PITPNM3: variants seen among roughly 807,000 people sequenced by gnomAD.
The protein encoded by PITPNM3 is membrane-associated phosphatidylinositol transfer protein 3.
Under a neutral mutation model 102.0 loss-of-function variants are expected in PITPNM3, and 26 were observed. The ratio of observed to expected loss-of-function variants is 0.25; its 90% CI spans 0.19 to 0.35. The LOEUF (loss-of-function observed/expected upper bound fraction) is 0.35. Among genes scored for constraint, PITPNM3 ranks in the 10% least tolerant of loss-of-function variants. The probability of loss-of-function intolerance (pLI) is 1.00; values close to 1 mark genes in which losing one functional copy is unlikely to be tolerated. For missense variants in PITPNM3, 1,083 were observed against 1,346.1 expected (o/e 0.80, Z 3.06); for synonymous variants, 578 against 558.6 (o/e 1.03, Z -0.49).
chr17:6,544,531 C>CAAAAA (rs925074828), intron 1 of PITPNM3, among the ~76,000 whole-genome samples: 1 of 150,740 alleles, frequency 6.6e-6, no homozygotes, highest in Non-Finnish European at 1.5e-5. Context: ...GCCTCTGTCT[C>CAAAAA]AAAAAAAATA....
At chr17:6,497,233 C>T (rs991057588) in intron 4 of PITPNM3, among the ~76,000 whole-genome samples, 1 of 152,118 alleles carries the variant, frequency 6.6e-6, no homozygotes, top group Admixed American at 6.5e-5. Context: ...GGGGGTCTTC[C>T]TGGGGAGGCC....
Position 6,547,721 on chromosome 17 carries a change from C to CTCTTT in PITPNM3, c.22+8659_22+8663dup, listed in dbSNP as rs531077310. Among the ~76,000 whole-genome samples the CTCTTT allele has an allele frequency of 1.8e-3, 270 of 151,612 alleles. 1 individual carries two copies. The highest frequency in any genetic ancestry group is 2.9e-3 in the African/African-American group (118 of 41,112). On this transcript the variant is annotated intron_variant, in intron 1 of 19. Transcript: ENST00000262483. ...CAGACTCCTCAAAGGACGCTGGGGTCTCTTTTCTTTTCTTTTCTTTTCTTT... is the reference window on the plus strand; with the variant it reads ...CAGACTCCTCAAAGGACGCTGGGGTCTCTTTTCTTTTCTTTTCTTTTCTTTTCTTT...
At chr17:6,542,765 C>T (rs982520618) in intron 1 of PITPNM3, among the ~76,000 whole-genome samples, 4 of 152,228 alleles carry the variant, frequency 2.6e-5, no homozygotes, top group Admixed American at 6.5e-5. Flanking sequence ...ACCTGAGGGG[C>T]TTCCAGGCAG....
chr17:6,534,160 G>GC (rs1909288770), intron 2 of PITPNM3, among the ~76,000 whole-genome samples: 1 of 152,286 alleles, frequency 6.6e-6, no homozygotes, highest in African/African-American at 2.4e-5. Context: ...CTGGGCTGTG[G>GC]CCCCCCAGAT....
chr17:6,527,153 G>C lies in PITPNM3; in HGVS notation c.119-1690C>G, dbSNP rs550602676. Reference sequence around the variant, plus strand: ...TAGCTCTGTCTAGCAAGCTGCTGTGGGGACAAATAATATAGCAAATTTGAA... The same window carrying C: ...TAGCTCTGTCTAGCAAGCTGCTGTGCGGACAAATAATATAGCAAATTTGAA... On this transcript the variant is annotated intron_variant, in intron 2 of 19. Coordinates refer to ENST00000262483, the MANE Select transcript of PITPNM3 (RefSeq NM_031220.4). Among the ~76,000 whole-genome samples the C allele has an allele frequency of 5.9e-5, 9 of 152,320 alleles. No homozygotes were observed. The East Asian group carries it at 1.7e-3, about 29-fold the overall frequency.
At chr17:6,548,865 C>A (rs368473116) in intron 1 of PITPNM3, among the ~76,000 whole-genome samples, 2 of 152,144 alleles carry the variant, frequency 1.3e-5, no homozygotes, top group Non-Finnish European at 2.9e-5. Flanking sequence ...CCAGACAGAG[C>A]CCAACGCGTT....
chr17:6,508,014 G>A (rs1281857937), intron 3 of PITPNM3, among the ~76,000 whole-genome samples: 31 of 151,654 alleles, frequency 2.0e-4, no homozygotes, highest in Non-Finnish European at 2.9e-5. Context: ...GGGAATGCTG[G>A]GGATGCAGCT....
intron 2 of PITPNM3, among the ~76,000 whole-genome samples, chr17:6,528,734 C>A (rs1393755099): frequency 6.6e-6 from 1 of 152,168 alleles, no homozygotes; most frequent in Non-Finnish European, 1.5e-5. Flanking sequence ...AACATGCTTT[C>A]TCTCCCACAC....
At chr17:6,483,445 C>T (rs971289488) in intron 6 of PITPNM3, 72 bp downstream of exon 6, 39 of 1,432,712 alleles carry the variant, frequency 2.7e-5, no homozygotes, top group Non-Finnish European at 3.5e-5. Flanking sequence ...GGGGTCCATG[C>T]TGCAGGGGGA....
intron 4 of PITPNM3, among the ~76,000 whole-genome samples, chr17:6,487,365 T>A (rs2150586749): frequency 6.6e-6 from 1 of 152,208 alleles, no homozygotes; most frequent in South Asian, 2.1e-4. Context: ...ACAGGAAGTG[T>A]CACATGGGTT....
In PITPNM3 at chr17:6,484,818, G is replaced by A. The variant is rs1035453120; in HGVS notation, c.275-526C>T. ...TGGCATTTGAAGCAGTGAATGAGGC[G>A]ATCTGCCCTCACCAAGGCAGGTGGG... On this transcript the variant is annotated intron_variant, in intron 4 of 19. Coordinates refer to ENST00000262483, the MANE Select transcript of PITPNM3 (RefSeq NM_031220.4). Among the ~76,000 whole-genome samples, 6 of 152,306 alleles carry A rather than the reference G, an allele frequency of 3.9e-5. No homozygotes were observed. The East Asian group carries it at 9.6e-4, about 24-fold the overall frequency.
intron 10 of PITPNM3, among the ~76,000 whole-genome samples, chr17:6,473,841 A>C (rs1270978712): frequency 3.9e-5 from 6 of 151,946 alleles, no homozygotes; most frequent in Admixed American, 3.3e-4. Flanking sequence ...GCTGGGCGTC[A>C]TGGTGGGTGC....
chr17:6,496,961 A>G (rs1238329908), intron 4 of PITPNM3, among the ~76,000 whole-genome samples: 1 of 152,174 alleles, frequency 6.6e-6, no homozygotes, highest in Non-Finnish European at 1.5e-5. Context: ...CATAGAGGCT[A>G]ATGCACACAT....
At position 6,525,300 on chromosome 17, in the gene PITPNM3, C is replaced by G. The variant is rs3809834; in HGVS notation, c.226+56G>C. On this transcript the variant is annotated intron_variant, in intron 3 of 19. Transcript: ENST00000262483. ...CAGCCCCAGTCACCAGCCCTACAGC[C>G]CCCCCTGCAACACACCTATGTGCAC... is the stretch of plus-strand genomic sequence containing the variant. The G allele has an allele frequency of 0.3, 440,340 of 1,483,332 alleles. 68,117 individuals carry two copies. Among genetic ancestry groups the G allele is most frequent in the Admixed American group, 0.38 (22,909 of 59,788 alleles). 91.9% of individuals were successfully genotyped at this position (1,483,332 alleles called of 1,614,324 possible). A position where few individuals can be genotyped will look rare whatever the true frequency, so the allele number is the denominator to read the frequency against.
At chr17:6,495,872 T>C (rs1051023676) in intron 4 of PITPNM3, among the ~76,000 whole-genome samples, 3 of 152,174 alleles carry the variant, frequency 2.0e-5, no homozygotes, top group Non-Finnish European at 4.4e-5. Flanking sequence ...TGGAAGTAAG[T>C]AGACTGTGCA....
At chr17:6,496,867 C>T (rs1906859723) in intron 4 of PITPNM3, among the ~76,000 whole-genome samples, 1 of 152,152 alleles carries the variant, frequency 6.6e-6, no homozygotes, top group Non-Finnish European at 1.5e-5. Flanking sequence ...GACGCACACT[C>T]ATCCTCATGA....
intron 3 of PITPNM3, chr17:6,521,338 G>A (rs1401261339): frequency 6.6e-6 from 1 of 152,210 alleles, no homozygotes; most frequent in Non-Finnish European, 1.5e-5. Context: ...CTTGAACCTG[G>A]GAGGCAGAGG....
At chr17:6,546,514 G>A (rs1028900206) in intron 1 of PITPNM3, among the ~76,000 whole-genome samples, 1 of 152,190 alleles carries the variant, frequency 6.6e-6, no homozygotes, top group African/African-American at 2.4e-5. Context: ...GCCATAGACC[G>A]AGTTACAACC....
At chr17:6,525,640 A>G (rs556659378) in intron 2 of PITPNM3, among the ~76,000 whole-genome samples, 177 bp from the exon 3 acceptor site, 1 of 152,310 alleles carries the variant, frequency 6.6e-6, no homozygotes, top group South Asian at 2.1e-4. Context: ...GAGATTTATC[A>G]TTGAAAGAAG....
Sources: gnomAD v4.1 joint callset for allele counts (sites outside exome capture counted in the v4.1 genomes callset) on GRCh38, gnomAD v4.1.1 for gene constraint, MANE v1.5 for transcripts, NCBI Gene and HGNC (gene_info 2026-07-23, HGNC 2026-07-21) for gene names.